CPB1: variants seen among roughly 807,000 people sequenced by gnomAD.
The protein encoded by CPB1 is carboxypeptidase B.
CPB1 carries 53 observed loss-of-function variants against 51.4 expected under a neutral mutation model. That is an observed-to-expected ratio of 1.03 (90% CI 0.83 to 1.30). The LOEUF (loss-of-function observed/expected upper bound fraction) is 1.30, where lower values mean the gene tolerates loss of function less well. Among genes scored for constraint, CPB1 ranks in the 50% most tolerant of loss-of-function variants. The pLI, the probability that CPB1 is intolerant of heterozygous loss-of-function variation, is 0.00. For synonymous variants in CPB1, 189 were observed against 186.9 expected (o/e 1.01, Z -0.09); for missense variants, 494 against 516.2 (o/e 0.96, Z 0.42).
intron 3 of CPB1, among the ~76,000 whole-genome samples, chr3:148,838,614 T>C (rs1712982238): frequency 6.6e-6 from 1 of 152,220 alleles, no homozygotes; most frequent in Non-Finnish European, 1.5e-5. Flanking sequence ...CACGTTTTCC[T>C]GAGTTATGAC....
Position 148,840,918 on chromosome 3 carries a change from C to T in CPB1, c.417C>T (p.Leu139=). The part of the protein sequence containing the change: ...TQQVATENPA[L]ISRSVIGTTF... ...AAGTCGCCACTGAGAATCCAGCCCT[C>T]ATCTCTCGCAGTGTTATCGGAACCA... Residue 139 remains leucine, a synonymous_variant, in exon 5 of 11, where the codon CTC becomes CTT. Coordinates refer to ENST00000282957, the MANE Select transcript of CPB1 (RefSeq NM_001871.3). The T allele has an allele frequency of 6.2e-7, 1 of 1,614,142 alleles. No individual in the cohort carries two copies. The highest frequency in any genetic ancestry group is 1.3e-5 in the African/African-American group (1 of 75,042).
chr3:148,850,135 A>G (rs1713381656), intron 9 of CPB1, among the ~76,000 whole-genome samples: 1 of 152,236 alleles, frequency 6.6e-6, no homozygotes, highest in Non-Finnish European at 1.5e-5. Flanking sequence ...ATATTCATTA[A>G]CGAGGAAAAA....
chr3:148,847,673 G>A (rs888697368), intron 9 of CPB1, among the ~76,000 whole-genome samples: 12 of 152,102 alleles, frequency 7.9e-5, no homozygotes, highest in Non-Finnish European at 1.5e-4. Flanking sequence ...TGCCAAAGAA[G>A]TAGAGTAAGT....
At chr3:148,859,649 T>A (rs142075597) in intron 10 of CPB1, among the ~76,000 whole-genome samples, 166 bp from the exon 11 acceptor site, 184 of 152,350 alleles carry the variant, frequency 1.2e-3, no homozygotes, top group African/African-American at 4.0e-3. Context: ...TTGGAGTAAT[T>A]TTTTAAAACA....
At chr3:148,840,583 G>A in intron 3 of CPB1, 103 bp from the exon 4 acceptor site, 3 of 897,352 alleles carry the variant, frequency 3.3e-6, no homozygotes, top group South Asian at 1.4e-5. Flanking sequence ...TATGGAGAGT[G>A]CAATGTGCCA....
chr3:148,841,119 C>T, intron 5 of CPB1, 144 bp downstream of exon 5: 1 of 594,158 alleles, frequency 1.7e-6, no homozygotes, highest in Non-Finnish European at 2.9e-6. Flanking sequence ...GAACCAGATT[C>T]CCCAGCTTCT....
At position 148,841,339 on chromosome 3, in the gene CPB1, A is replaced by G. The variant is rs191040120; in HGVS notation, c.474+364A>G. ...TTCATGTCTATCAGACAACATTACAAAGCACATCAACAATTTGTTTCTGTC... is the reference window on the plus strand; with the variant it reads ...TTCATGTCTATCAGACAACATTACAGAGCACATCAACAATTTGTTTCTGTC... On this transcript the variant is annotated intron_variant, in intron 5 of 10. Transcript: ENST00000282957. Among the ~76,000 whole-genome samples the G allele has an allele frequency of 5.3e-5, 8 of 152,328 alleles. No homozygotes were observed. The East Asian group carries it at 7.7e-4, about 15-fold the overall frequency.
chr3:148,860,068 A>C lies in CPB1; in HGVS notation c.*66A>C. ...CATTTCTTTTCTTTCTTGAATTCTTATTTTGGTTTGCCTGGATGTTTTGCA... is the reference window on the plus strand; with the variant it reads ...CATTTCTTTTCTTTCTTGAATTCTTCTTTTGGTTTGCCTGGATGTTTTGCA... On this transcript the variant is annotated 3_prime_UTR_variant, in exon 11 of 11. Coordinates refer to ENST00000282957, the MANE Select transcript of CPB1 (RefSeq NM_001871.3). 3 of 1,520,414 alleles carry C rather than the reference A, an allele frequency of 2.0e-6. No homozygotes were observed. The highest frequency in any genetic ancestry group is 2.7e-6 in the Non-Finnish European group (3 of 1,116,058). 94.2% of individuals were successfully genotyped at this position (1,520,414 alleles called of 1,614,324 possible).
chr3:148,852,874 T>C (rs1713471776), intron 9 of CPB1, among the ~76,000 whole-genome samples: 1 of 152,224 alleles, frequency 6.6e-6, no homozygotes. Flanking sequence ...AGCCAAACTT[T>C]TTCCTAACTC....
chr3:148,838,646 A>AT (rs1370087952), intron 3 of CPB1, among the ~76,000 whole-genome samples: 1 of 151,942 alleles, frequency 6.6e-6, no homozygotes, highest in Non-Finnish European at 1.5e-5. Flanking sequence ...GGAAATTTTT[A>AT]TTTTTTTCAT....
chr3:148,850,572 G>A (rs1402227690), intron 9 of CPB1, among the ~76,000 whole-genome samples: 1 of 152,166 alleles, frequency 6.6e-6, no homozygotes, highest in Non-Finnish European at 1.5e-5. Context: ...GAAGTGCTGG[G>A]AGCCACCGCG....
rs74642179 is a variant in CPB1, at chr3:148,841,720, C to T, written c.475-103C>T. The stretch of plus-strand genomic sequence containing the variant: ...CATGGGATCCAGCTCTTGCTGCTGT[C>T]GGGTTTCACTTGTTGAGTCTCAAGC... On this transcript the variant is annotated intron_variant, in intron 5 of 10. Transcript: ENST00000282957. The T allele has an allele frequency of 2.5e-4, 183 of 745,950 alleles. 3 individuals carry two copies. The East Asian group carries it at 4.4e-3, about 18-fold the overall frequency. The allele number at this position is 745,950 out of a possible 1,614,324, so 46.2% of individuals were successfully genotyped here.
At chr3:148,843,792 G>A (rs542380283) in intron 6 of CPB1, among the ~76,000 whole-genome samples, 1 of 152,032 alleles carries the variant, frequency 6.6e-6, no homozygotes, top group Non-Finnish European at 1.5e-5. Context: ...ATATTAAATG[G>A]GCATGATGTC....
intron 2 of CPB1, among the ~76,000 whole-genome samples, chr3:148,833,267 T>C (rs550167144): frequency 3.3e-5 from 5 of 152,142 alleles, no homozygotes; most frequent in Non-Finnish European, 7.4e-5. Context: ...CATGCTTTTT[T>C]CTTCTGGAAC....
chr3:148,830,997 T>G (rs1712718766), intron 2 of CPB1, among the ~76,000 whole-genome samples: 1 of 152,242 alleles, frequency 6.6e-6, no homozygotes, highest in Non-Finnish European at 1.5e-5. Context: ...ATCCAGTCTT[T>G]GTATTCATCC....
At chr3:148,846,848 C>A (rs1438071406) in intron 9 of CPB1, among the ~76,000 whole-genome samples, 1 of 69,820 alleles carries the variant, frequency 1.4e-5, no homozygotes, top group African/African-American at 4.6e-5. Flanking sequence ...TATATGTTAG[C>A]ACCGCCAAGC....
chr3:148,854,136 G>A (rs1363181882), intron 9 of CPB1: 3 of 152,136 alleles, frequency 2.0e-5, no homozygotes, highest in Non-Finnish European at 4.4e-5. Flanking sequence ...TGTAGCAAAT[G>A]CAAGAATTAC....
chr3:148,839,928 TCACACACACATA>T (rs1713026787), intron 3 of CPB1, among the ~76,000 whole-genome samples: 1 of 151,110 alleles, frequency 6.6e-6, no homozygotes, highest in Admixed American at 6.7e-5. Context: ...GGAAGTGAAG[TCACACACACATA>T]CACACACACA....
intron 2 of CPB1, among the ~76,000 whole-genome samples, chr3:148,830,643 G>C (rs1712705010): frequency 6.6e-6 from 1 of 151,928 alleles, no homozygotes. Context: ...CATCTACCTT[G>C]GGCCTCAATG....
Sources: gnomAD v4.1 joint callset for allele counts (sites outside exome capture counted in the v4.1 genomes callset) on GRCh38, gnomAD v4.1.1 for gene constraint, MANE v1.5 for transcripts, NCBI Gene and HGNC (gene_info 2026-07-23, HGNC 2026-07-21) for gene names.